The following CORO2A variants were observed in gnomAD, a reference collection of about 807,000 sequenced individuals.
The protein encoded by CORO2A is coronin 2A, also known as coronin-2A.
In CORO2A, 47 loss-of-function variants were observed where a neutral mutation model predicts 62.4. The ratio of observed to expected loss-of-function variants is 0.75; its 90% CI spans 0.60 to 0.96. The LOEUF (loss-of-function observed/expected upper bound fraction) is 0.96, where lower values mean the gene tolerates loss of function less well. Among genes scored for constraint, CORO2A ranks in the 40% least tolerant of loss-of-function variants. The pLI, the probability that CORO2A is intolerant of heterozygous loss-of-function variation, is 0.00. For synonymous variants in CORO2A, 273 were observed against 268.9 expected (o/e 1.02, Z -0.15); for missense variants, 610 against 684.1 (o/e 0.89, Z 1.21).
At chr9:98,137,390 C>T (rs1480648744) in intron 3 of CORO2A, among the ~76,000 whole-genome samples, 182 bp downstream of exon 3, 1 of 152,124 alleles carries the variant, frequency 6.6e-6, no homozygotes, top group Non-Finnish European at 1.5e-5. Flanking sequence ...AGGGGTGGTG[C>T]CGCTAGTCCT....
At chr9:98,149,568 A>T (rs774123) in intron 2 of CORO2A, among the ~76,000 whole-genome samples, 48,286 of 152,136 alleles carry the variant, frequency 0.32, 7,910 homozygotes, top group African/African-American at 0.35. Context: ...GCAGACAGTG[A>T]AGGGGGGATC....
At chr9:98,127,763 A>G (rs930770146) in intron 10 of CORO2A, among the ~76,000 whole-genome samples, 2 of 131,050 alleles carry the variant, frequency 1.5e-5, no homozygotes, top group Non-Finnish European at 3.1e-5. Context: ...GGTTGCAGTG[A>G]GCTGAGATTG....
rs34087370 is a variant in CORO2A, at chr9:98,148,394, C to CAA, written c.201+9064_201+9065dup. On this transcript the variant is annotated intron_variant, in intron 2 of 11. Coordinates refer to ENST00000375077, the MANE Select transcript of CORO2A (RefSeq NM_052820.4). Reference sequence around the variant, plus strand: ...TGGGCGACAGAGCGAGACTCCATCTCAAAAAAAAAAAAAAAATAAGATAAA... The same window carrying CAA: ...TGGGCGACAGAGCGAGACTCCATCTCAAAAAAAAAAAAAAAAAATAAGATAAA... Among the ~76,000 whole-genome samples the CAA allele has an allele frequency of 3.7e-3, 387 of 103,912 alleles. 2 individuals carry two copies. The highest frequency in any genetic ancestry group is 7.8e-3 in the African/African-American group (214 of 27,296). 68.2% of individuals were successfully genotyped at this position (103,912 alleles called of 152,430 possible).
chr9:98,124,868 C>G lies in CORO2A; in HGVS notation c.1484G>C (p.Arg495Pro). ...QMFYRQQEEIRRLRELLTQRE... is the reference protein window; with the variant it reads ...QMFYRQQEEIPRLRELLTQRE... Reference sequence around the variant, plus strand: ...CTGGGTCAACAGCTCCCGGAGCCTTCGGATCTCCTCCTGTTGCCGGTAGAA... The same window carrying G: ...CTGGGTCAACAGCTCCCGGAGCCTTGGGATCTCCTCCTGTTGCCGGTAGAA... The change falls in exon 12 of 12, where the codon CGA becomes CCA. Residue 495 changes from arginine (R) to proline (P), a missense_variant. Coordinates refer to ENST00000375077, the MANE Select transcript of CORO2A (RefSeq NM_052820.4). 2 of 1,585,184 alleles carry G rather than the reference C, an allele frequency of 1.3e-6. No homozygotes were observed. The highest frequency in any genetic ancestry group is 1.7e-6 in the Non-Finnish European group (2 of 1,163,494).
intron 1 of CORO2A, among the ~76,000 whole-genome samples, chr9:98,189,454 A>C (rs1828278542): frequency 6.6e-6 from 1 of 152,216 alleles, no homozygotes; most frequent in Non-Finnish European, 1.5e-5. Context: ...TGAAATAGCA[A>C]AGGTTTAAGG....
intron 1 of CORO2A, among the ~76,000 whole-genome samples, chr9:98,174,794 G>A (rs1828086611): frequency 6.6e-6 from 1 of 152,162 alleles, no homozygotes. Flanking sequence ...GTGGAACTGT[G>A]AGTCAATTAA....
chr9:98,166,749 C>T (rs918038553), intron 1 of CORO2A, among the ~76,000 whole-genome samples: 1 of 152,146 alleles, frequency 6.6e-6, no homozygotes, highest in Non-Finnish European at 1.5e-5. Context: ...TTCCCAATAG[C>T]TTAAATGTGG....
chr9:98,153,699 C>T (rs928134398), intron 2 of CORO2A, among the ~76,000 whole-genome samples: 3 of 151,848 alleles, frequency 2.0e-5, no homozygotes, highest in Admixed American at 6.6e-5. Flanking sequence ...CACACTCACA[C>T]ACACACCCCG....
In CORO2A at chr9:98,161,799, G is replaced by A. The variant is rs957654253; in HGVS notation, c.1-4139C>T. ...TGCATGTGGCGGGCCTGGGGTAGTCGCTGAAATCGACATGAGCTTACATTA... is the reference window on the plus strand; with the variant it reads ...TGCATGTGGCGGGCCTGGGGTAGTCACTGAAATCGACATGAGCTTACATTA... On this transcript the variant is annotated intron_variant, in intron 1 of 11. Transcript: ENST00000375077. Among the ~76,000 whole-genome samples the A allele has an allele frequency of 3.3e-5, 5 of 152,118 alleles. No individual in the cohort carries two copies. In the East Asian group the frequency reaches 7.7e-4, roughly 24 times the overall value.
intron 1 of CORO2A, among the ~76,000 whole-genome samples, chr9:98,176,484 C>T (rs1257391422): frequency 6.6e-6 from 1 of 152,170 alleles, no homozygotes; most frequent in Non-Finnish European, 1.5e-5. Context: ...CTACAATTTT[C>T]CCCACTGCCC....
At chr9:98,126,962 C>A (rs781703465) in intron 10 of CORO2A, 139 bp from the exon 11 acceptor site, 2 of 949,900 alleles carry the variant, frequency 2.1e-6, no homozygotes, top group South Asian at 3.1e-5. Context: ...ATACAGCTAC[C>A]TGTGGACAGG....
At chr9:98,166,538 G>T (rs547979884) in intron 1 of CORO2A, among the ~76,000 whole-genome samples, 37 of 152,280 alleles carry the variant, frequency 2.4e-4, no homozygotes, top group African/African-American at 8.9e-4. Context: ...AATTTGATTT[G>T]AAACAATCTG....
intron 2 of CORO2A, among the ~76,000 whole-genome samples, chr9:98,147,907 T>C (rs1827664764): frequency 1.3e-5 from 2 of 151,008 alleles, no homozygotes; most frequent in African/African-American, 2.5e-5. Flanking sequence ...TGAATGGTTA[T>C]ATAAACTGTA....
At chr9:98,128,332 G>A (rs1827357615) in intron 9 of CORO2A, 72 bp from the exon 10 acceptor site, 1 of 1,234,218 alleles carries the variant, frequency 8.1e-7, no homozygotes, top group Admixed American at 1.9e-5. Context: ...CCTTAGACCT[G>A]GGAGTCCAGG....
chr9:98,128,769 A>C (rs754676609), intron 8 of CORO2A, 50 bp from the exon 9 acceptor site: 3 of 1,509,908 alleles, frequency 2.0e-6, no homozygotes, highest in Admixed American at 1.7e-5. Flanking sequence ...CTGGGGCCAC[A>C]GTGTTAGGGC....
rs12005005 is a variant in CORO2A, at chr9:98,160,689, C to G, written c.1-3029G>C. On this transcript the variant is annotated intron_variant, in intron 1 of 11. Transcript: ENST00000375077. ...CAGCAGGCTCCGCTCCAGGCCCCCCCACTCCTCCCTCACCTTGAGCAACTG... is the reference window on the plus strand; with the variant it reads ...CAGCAGGCTCCGCTCCAGGCCCCCCGACTCCTCCCTCACCTTGAGCAACTG... 4.8e-3 allele frequency among the ~76,000 whole-genome samples: 726 copies of G among 152,300 alleles called. 8 individuals carry two copies. Among genetic ancestry groups the G allele is most frequent in the African/African-American group, 0.016 (662 of 41,560 alleles).
chr9:98,169,180 C>A (rs78007144), intron 1 of CORO2A, among the ~76,000 whole-genome samples: 164 of 152,302 alleles, frequency 1.1e-3, no homozygotes, highest in African/African-American at 3.4e-3. Context: ...CAAAGAGTCC[C>A]GTCCTCAGGT....
chr9:98,179,450 G>A (rs989927138), intron 1 of CORO2A, among the ~76,000 whole-genome samples: 11 of 152,162 alleles, frequency 7.2e-5, no homozygotes, highest in Non-Finnish European at 1.3e-4. Context: ...GGTCCTTCCT[G>A]CCTCCTCCAG....
intron 1 of CORO2A, 120 bp from the exon 2 acceptor site, chr9:98,157,780 G>T: frequency 1.2e-6 from 1 of 840,702 alleles, no homozygotes; most frequent in Non-Finnish European, 1.9e-6. Context: ...AGTTCAACGT[G>T]GACGGTGATG....
Sources: allele counts gnomAD v4.1 joint callset (sites outside exome capture counted in the v4.1 genomes callset), GRCh38; gene constraint gnomAD v4.1.1; transcripts MANE v1.5; gene names NCBI Gene and HGNC (gene_info 2026-07-23, HGNC 2026-07-21).